Variants in ANKRD36 observed in about 807,000 individuals in gnomAD.
ANKRD36 encodes the protein ankyrin repeat domain-containing protein 36A.
A neutral mutation model predicts 278.1 loss-of-function variants in ANKRD36; 179 were observed. That is an observed-to-expected ratio of 0.64 (90% CI 0.57 to 0.73). The LOEUF is 0.73. Ranked by LOEUF, ANKRD36 falls within the 30% of genes least tolerant of loss-of-function variation. The probability of loss-of-function intolerance (pLI) is 0.00; values close to 1 mark genes in which losing one functional copy is unlikely to be tolerated. For synonymous variants in ANKRD36, 320 were observed against 641.1 expected, an observed-to-expected ratio of 0.50 and a Z score of 7.57; for missense variants, 1,159 against 1,956.7, an observed-to-expected ratio of 0.59 and a Z score of 7.69.
rs1359235381 is a variant in ANKRD36 at position 97,209,313 on chromosome 2, CAT to C, written c.3266-365_3266-364del. Among the ~76,000 whole-genome samples the C allele has an allele frequency of 5.5e-5, 8 of 146,514 alleles. 2 individuals are homozygous for C. The highest frequency in any genetic ancestry group is 2.1e-4 in the South Asian group (1 of 4,716). ...TCCTTTTGATTTGTTGCATGAAAGA[CAT>C]ATGGGATCATGTAGCACCTGTTTTG... On this transcript the variant is annotated intron_variant, in intron 54 of 75. Transcript: ENST00000420699.
chr2:97,151,447 A>G (rs779073384), intron 12 of ANKRD36, among the ~76,000 whole-genome samples: 3 of 152,306 alleles, frequency 2.0e-5, no homozygotes, highest in Non-Finnish European at 4.4e-5. Flanking sequence ...ACTAAAAACT[A>G]CATTCTCACA....
At chr2:97,220,823 T>G (rs1361824498) in intron 66 of ANKRD36, among the ~76,000 whole-genome samples, 4 of 146,040 alleles carry the variant, frequency 2.7e-5, no homozygotes, top group South Asian at 2.5e-4. Context: ...CATGTGCACA[T>G]TGTGCAGGTT....
chr2:97,219,530 G>A (rs2066842899), intron 66 of ANKRD36, among the ~76,000 whole-genome samples: 2 of 150,894 alleles, frequency 1.3e-5, no homozygotes, highest in South Asian at 2.2e-4. Flanking sequence ...TGCCCAGGGT[G>A]GAGTGCAATG....
intron 66 of ANKRD36, among the ~76,000 whole-genome samples, chr2:97,221,630 T>C (rs1576280467): frequency 6.7e-6 from 1 of 149,424 alleles, no homozygotes; most frequent in East Asian, 2.0e-4. Context: ...GGGTTGTTTG[T>C]TTTTTTCTTG....
intron 26 of ANKRD36, among the ~76,000 whole-genome samples, chr2:97,183,161 C>T (rs927269045): frequency 6.6e-6 from 1 of 151,806 alleles, no homozygotes; most frequent in Admixed American, 6.6e-5. Flanking sequence ...TTTTAGATCA[C>T]ATTTCTTTTC....
At chr2:97,124,840 T>A (rs1300054556) in intron 5 of ANKRD36, among the ~76,000 whole-genome samples, 1 of 151,942 alleles carries the variant, frequency 6.6e-6, no homozygotes, top group African/African-American at 2.4e-5. Flanking sequence ...ATTGAAACTT[T>A]CAGGACTTTT....
In ANKRD36 at chr2:97,118,394, C is replaced by T. The variant is rs778341904; in HGVS notation, c.363C>T (p.Gly121=). 20 of 1,608,336 alleles carry T rather than the reference C, an allele frequency of 1.2e-5. 1 individual carries two copies. Among genetic ancestry groups the T allele is most frequent in the Admixed American group, 3.3e-5 (2 of 59,712 alleles). The change falls in exon 3 of 76, where the codon GGC becomes GGT. Residue 121 remains glycine, a synonymous_variant. Transcript: ENST00000420699. ...GTGCAACTCTTCTGCTGCAAAATGGCGCCAATCCAAATATTACGGATTTCT... is the reference window on the plus strand; with the variant it reads ...GTGCAACTCTTCTGCTGCAAAATGGTGCCAATCCAAATATTACGGATTTCT... ...EACATLLLQN[G]ANPNITDFFG...
intron 20 of ANKRD36, among the ~76,000 whole-genome samples, chr2:97,165,367 T>G (rs1369367112): frequency 6.6e-6 from 1 of 152,118 alleles, no homozygotes; most frequent in East Asian, 1.9e-4. Context: ...CCACAATTAA[T>G]TAAAATCTCT....
chr2:97,202,678 C>T (rs1483397670), intron 48 of ANKRD36, among the ~76,000 whole-genome samples: 6 of 151,894 alleles, frequency 4.0e-5, no homozygotes, highest in Admixed American at 1.3e-4. Flanking sequence ...TTGCTTTAAT[C>T]CTCCAGCTTG....
At chr2:97,185,281 CAT>C (rs774469794) in intron 28 of ANKRD36, 33 bp from the exon 29 acceptor site, 2 of 1,577,242 alleles carry the variant, frequency 1.3e-6, no homozygotes, top group African/African-American at 2.7e-5. Flanking sequence ...ATCATATTTA[CAT>C]ATGAGTGATT....
rs774222325 is a variant in ANKRD36 at position 97,189,053 on chromosome 2, A to G, written c.2144-34A>G. 5 of 738,132 alleles carry G rather than the reference A, an allele frequency of 6.8e-6. 2 individuals carry two copies. The highest frequency in any genetic ancestry group is 2.3e-6 in the Non-Finnish European group (1 of 430,540). 45.7% of individuals were successfully genotyped at this position (738,132 alleles called of 1,614,324 possible). A position where few individuals can be genotyped will look rare whatever the true frequency, so the allele number is the denominator to read the frequency against. On this transcript the variant is annotated intron_variant, in intron 32 of 75. Coordinates refer to ENST00000420699, the MANE Select transcript of ANKRD36 (RefSeq NM_001354587.1). ...GTATGGATAACTTTATCATATTTAC[A>G]TATGAGTGATTATGTATCCCTTTTG...
chr2:97,202,701 G>T (rs186001797), intron 48 of ANKRD36, among the ~76,000 whole-genome samples: 26 of 151,916 alleles, frequency 1.7e-4, no homozygotes, highest in African/African-American at 4.8e-4. Context: ...TTCAGTAAGG[G>T]TGGAAGGAGA....
chr2:97,138,662 A>G (rs2042130401), intron 6 of ANKRD36, among the ~76,000 whole-genome samples: 1 of 152,072 alleles, frequency 6.6e-6, no homozygotes, highest in African/African-American at 2.4e-5. Context: ...ATTTTGAGGC[A>G]TCATGCTACC....
intron 50 of ANKRD36, among the ~76,000 whole-genome samples, 164 bp from the exon 51 acceptor site, chr2:97,205,776 A>C (rs544405338): frequency 5.3e-5 from 8 of 151,468 alleles, no homozygotes; most frequent in East Asian, 1.9e-4. Flanking sequence ...CCCTTTTCTC[A>C]GTGTATTTGT....
chr2:97,209,549 A>T, intron 54 of ANKRD36, 132 bp from the exon 55 acceptor site: 1 of 1,545,584 alleles, frequency 6.5e-7, no homozygotes, highest in Admixed American at 1.8e-5. Context: ...ATCCCCAGAC[A>T]CAAAGTAGAA....
chr2:97,127,439 A>C (rs946706400), intron 6 of ANKRD36, among the ~76,000 whole-genome samples: 1 of 151,972 alleles, frequency 6.6e-6, no homozygotes, highest in Non-Finnish European at 1.5e-5. Flanking sequence ...ATAGTCACAT[A>C]ATAATGAATT....
chr2:97,221,718 T>C (rs1412193640), intron 66 of ANKRD36, among the ~76,000 whole-genome samples: 4 of 150,648 alleles, frequency 2.7e-5, no homozygotes, highest in Non-Finnish European at 5.9e-5. Context: ...TTTTCTCCCA[T>C]GTTGTAGGTT....
intron 30 of ANKRD36, among the ~76,000 whole-genome samples, 155 bp from the exon 31 acceptor site, chr2:97,187,043 T>G (rs2057546643): frequency 6.6e-6 from 1 of 151,914 alleles, no homozygotes; most frequent in Non-Finnish European, 1.5e-5. Context: ...TTAGTATATT[T>G]GTGTCATGCT....
chr2:97,125,665 A>G lies in ANKRD36; in HGVS notation c.731+1068A>G, dbSNP rs1446792956. 5.9e-5 allele frequency among the ~76,000 whole-genome samples: 9 copies of G among 151,374 alleles called. No individual in the cohort carries two copies. In the Admixed American group the frequency reaches 6.0e-4, roughly 10 times the overall value. ...GGAAGCTTCTATGCCATCCTTCCTT[A>G]GAGTAGTAGGTATCAACTTGTGGTT... On this transcript the variant is annotated intron_variant, in intron 5 of 75. Coordinates refer to ENST00000420699, the MANE Select transcript of ANKRD36 (RefSeq NM_001354587.1).
Sources: gnomAD v4.1 joint callset for allele counts (sites outside exome capture counted in the v4.1 genomes callset) on GRCh38, gnomAD v4.1.1 for gene constraint, MANE v1.5 for transcripts, NCBI Gene and HGNC (gene_info 2026-07-23, HGNC 2026-07-21) for gene names.